The following FYB1 variants were observed in gnomAD, a reference collection of about 807,000 sequenced individuals.
The protein encoded by FYB1 is FYN-binding protein 1.
A neutral mutation model predicts 94.1 loss-of-function variants in FYB1; 41 were observed. The ratio of observed to expected loss-of-function variants is 0.44; its 90% confidence interval spans 0.34 to 0.57. The LOEUF (loss-of-function observed/expected upper bound fraction) is 0.57. Ranked by LOEUF, FYB1 falls within the 20% of genes least tolerant of loss-of-function variation. FYB1 has a pLI of 0.02. For missense variants in FYB1, 1,050 were observed against 976.8 expected, an observed-to-expected ratio of 1.07 and a Z score of -1.00; for synonymous variants, 367 against 353.2, an observed-to-expected ratio of 1.04 and a Z score of -0.44.
At chr5:39,220,284 G>A (rs903578988), upstream of FYB1, among the ~76,000 whole-genome samples, 3 of 151,806 alleles carry the variant, frequency 2.0e-5, no homozygotes, top group Non-Finnish European at 4.4e-5. Context: ...GATGGTGCAT[G>A]CCTGTAGCCC....
chr5:39,200,147 G>C (rs1293524989), intron 2 of FYB1, among the ~76,000 whole-genome samples: 4 of 152,322 alleles, frequency 2.6e-5, no homozygotes, highest in Non-Finnish European at 4.4e-5. Flanking sequence ...GAGCAGGGGA[G>C]GGTTGCAAAG....
At chr5:39,185,935 C>T (rs543119199) in intron 2 of FYB1, among the ~76,000 whole-genome samples, 49 of 152,172 alleles carry the variant, frequency 3.2e-4, no homozygotes, top group African/African-American at 5.8e-4. Flanking sequence ...CTGAGAACTA[C>T]GAGTGAGCCC....
At chr5:39,169,786 A>G (rs1580449074) in intron 2 of FYB1, 1 of 496,834 alleles carries the variant, frequency 2.0e-6, no homozygotes, top group Non-Finnish European at 3.9e-6. Flanking sequence ...GCATTTGATG[A>G]TGCATTTTCC....
intron 3 of FYB1, among the ~76,000 whole-genome samples, chr5:39,141,746 T>G (rs945422464): frequency 6.6e-6 from 1 of 152,030 alleles, no homozygotes; most frequent in African/African-American, 2.4e-5. Context: ...GTAGTGCACG[T>G]CTGTAACCCC....
intron 2 of FYB1, among the ~76,000 whole-genome samples, chr5:39,199,971 A>G (rs550579573): frequency 4.9e-4 from 75 of 152,236 alleles, no homozygotes; most frequent in Non-Finnish European, 9.4e-4. Context: ...AATCTAGATT[A>G]AGAGGGATTG....
intron 1 of FYB1, among the ~76,000 whole-genome samples, chr5:39,251,048 C>T (rs1751690983): frequency 6.6e-6 from 1 of 152,014 alleles, no homozygotes; most frequent in Admixed American, 6.6e-5. Context: ...TTTATAGCAA[C>T]CTTTGAGGAT....
chr5:39,107,349 G>T lies in FYB1; in HGVS notation c.*94C>A. On this transcript the variant is annotated 3_prime_UTR_variant, in exon 19 of 19. Transcript: ENST00000512982. ...AACAAATGATAATAAGTGGTTTTGT[G>T]CATTAATTTTCTTGATACCCAATAA... 1 of 768,484 alleles carries T rather than the reference G, an allele frequency of 1.3e-6. No individual in the cohort carries two copies. Among genetic ancestry groups the T allele is most frequent in the Non-Finnish European group, 2.0e-6 (1 of 494,242 alleles). The allele number at this position is 768,484 out of a possible 1,614,324, so 47.6% of individuals were successfully genotyped here.
chr5:39,191,980 C>T (rs1234229316), intron 2 of FYB1, among the ~76,000 whole-genome samples: 1 of 152,160 alleles, frequency 6.6e-6, no homozygotes, highest in Non-Finnish European at 1.5e-5. Context: ...GCATAGAAAT[C>T]CATCATATCA....
rs1750877400 is a variant in FYB1, at chr5:39,234,577, A to ATGTAC, written c.-27-31591_-27-31590insGTACA. On this transcript the variant is annotated intron_variant, in intron 1 of 1. Transcript: ENST00000510188. ...AAAGGATTATAAATCATGCTACTAT[A>ATGTAC]AAGACACATGTACACATATGTTTAT... 5.9e-5 allele frequency among the ~76,000 whole-genome samples: 9 copies of ATGTAC among 152,346 alleles called. No homozygotes were observed. In the South Asian group the frequency reaches 1.9e-3, roughly 32 times the overall value.
At chr5:39,134,407 G>A (rs996648714) in intron 8 of FYB1, 58 bp from the exon 9 acceptor site, 6 of 1,364,714 alleles carry the variant, frequency 4.4e-6, no homozygotes, top group South Asian at 2.7e-5. Context: ...TTTTAAAGTT[G>A]TGAATAAAAT....
chr5:39,223,171 T>G (rs1462618137), upstream of FYB1, among the ~76,000 whole-genome samples: 2 of 152,228 alleles, frequency 1.3e-5, no homozygotes, highest in African/African-American at 2.4e-5. Flanking sequence ...AAAGCATTGC[T>G]TTTCATGCAA....
At chr5:39,162,764 C>G (rs948224004) in intron 2 of FYB1, among the ~76,000 whole-genome samples, 1 of 151,078 alleles carries the variant, frequency 6.6e-6, no homozygotes, top group Non-Finnish European at 1.5e-5. Context: ...TTTACCATAA[C>G]TTCACTGGCA....
upstream of FYB1, among the ~76,000 whole-genome samples, chr5:39,224,348 GA>G (rs1354722485): frequency 6.6e-6 from 1 of 152,126 alleles, no homozygotes; most frequent in Non-Finnish European, 1.5e-5. Flanking sequence ...AGCGTCCTGT[GA>G]AAACAGATGG....
intron 1 of FYB1, among the ~76,000 whole-genome samples, chr5:39,273,969 G>T (rs1752731299): frequency 6.6e-6 from 1 of 151,610 alleles, no homozygotes; most frequent in African/African-American, 2.4e-5. Context: ...CTGTCCCCCA[G>T]GCTAGAGTAC....
chr5:39,230,697 G>A (rs1750686497), intron 1 of FYB1, among the ~76,000 whole-genome samples: 1 of 151,836 alleles, frequency 6.6e-6, no homozygotes, highest in African/African-American at 2.4e-5. Flanking sequence ...TATTACTTCA[G>A]TGAATTGGCC....
At chr5:39,238,252 A>G (rs1416448870) in intron 1 of FYB1, among the ~76,000 whole-genome samples, 1 of 151,940 alleles carries the variant, frequency 6.6e-6, no homozygotes, top group African/African-American at 2.4e-5. Flanking sequence ...TATACATCCT[A>G]TAATATATCT....
In FYB1 at chr5:39,201,871, G is replaced by A. The variant is rs557234417; in HGVS notation, c.1090C>T (p.Pro364Ser). The change falls in exon 2 of 19, where the codon CCA becomes TCA. Residue 364 changes from proline (P) to serine (S), a missense_variant. Coordinates refer to ENST00000512982, the MANE Select transcript of FYB1 (RefSeq NM_001465.6). ...TGGAATTTCGTCAGGTCAACATTTG[G>A]TGGTCTGTTGGGTTTTGGTGGAGGT... ...GPPPPKPNRP[P>S]NVDLTKFHKT... is the part of the protein sequence containing the mutation. The A allele has an allele frequency of 6.8e-6, 11 of 1,613,912 alleles. No homozygotes were observed. Among genetic ancestry groups the A allele is most frequent in the East Asian group, 6.7e-5 (3 of 44,874 alleles).
intron 3 of FYB1, among the ~76,000 whole-genome samples, chr5:39,152,512 G>A (rs1743333015): frequency 6.6e-6 from 1 of 152,178 alleles, no homozygotes; most frequent in Admixed American, 6.5e-5. Context: ...TTACTTATTT[G>A]TGATAAAGGA....
chr5:39,266,764 T>G (rs751982022), intron 1 of FYB1, among the ~76,000 whole-genome samples: 2 of 152,162 alleles, frequency 1.3e-5, no homozygotes, highest in Non-Finnish European at 2.9e-5. Context: ...CAGTGGCCTC[T>G]GCAACATTTC....
Sources: gnomAD v4.1 joint callset for allele counts (sites outside exome capture counted in the v4.1 genomes callset) on GRCh38, gnomAD v4.1.1 for gene constraint, MANE v1.5 for transcripts, NCBI Gene and HGNC (gene_info 2026-07-23, HGNC 2026-07-21) for gene names.